Variants in PSIP1 observed in about 807,000 individuals in gnomAD.
PSIP1 encodes PC4 and SRSF1 interacting protein 1.
A neutral mutation model predicts 74.7 loss-of-function variants in PSIP1; 19 were observed. That is an observed-to-expected ratio of 0.25 (90% CI 0.18 to 0.37). The LOEUF is 0.37. Ranked by LOEUF, PSIP1 falls within the 10% of genes least tolerant of loss-of-function variation. The pLI is 1.00. For synonymous variants in PSIP1, 222 were observed against 195.3 expected, an observed-to-expected ratio of 1.14 and a Z score of -1.14; for missense variants, 601 against 614.3, an observed-to-expected ratio of 0.98 and a Z score of 0.23.
chr9:15,478,360 G>C (rs978221378), intron 8 of PSIP1, 117 bp downstream of exon 8: 28 of 869,696 alleles, frequency 3.2e-5, no homozygotes, highest in Non-Finnish European at 1.8e-6. Flanking sequence ...TTTTAAGAAA[G>C]ATCAAAATAA....
chr9:15,479,576 C>A lies in PSIP1; in HGVS notation c.553+15G>T. 6.4e-7 allele frequency: 1 copy of A among 1,555,088 alleles called. No individual in the cohort carries two copies. Among genetic ancestry groups the A allele is most frequent in the Non-Finnish European group, 8.8e-7 (1 of 1,142,540 alleles). ...ATCACAAGCCAAACAGATATTTAAA[C>A]ATCAGTAATCCTACCTGCAGGTCGT... On this transcript the variant is annotated intron_variant, in intron 7 of 15. Coordinates refer to ENST00000380733, the MANE Select transcript of PSIP1 (RefSeq NM_033222.5).
intron 6 of PSIP1, among the ~76,000 whole-genome samples, chr9:15,484,620 G>A (rs1288110085): frequency 3.3e-5 from 5 of 152,012 alleles, no homozygotes; most frequent in South Asian, 2.1e-4. Context: ...CCAGCTAATC[G>A]GGGGGCTGAG....
chr9:15,484,148 CAA>C (rs1332607321), intron 6 of PSIP1, among the ~76,000 whole-genome samples: 1 of 135,782 alleles, frequency 7.4e-6, no homozygotes, highest in African/African-American at 2.8e-5. Flanking sequence ...AAAAAAAAAA[CAA>C]ATTTATATTT....
rs2035498557 is a variant in PSIP1 at position 15,464,786 on chromosome 9, T to TA, written c.*733dup. On this transcript the variant is annotated 3_prime_UTR_variant, in exon 16 of 16. Coordinates refer to ENST00000380733, the MANE Select transcript of PSIP1 (RefSeq NM_033222.5). ...AACCCTAAAGCCAGATTCATTCCTA[T>TA]ATATACCCAGTCAGTTGTCTGCAAA... The TA allele has an allele frequency of 4.8e-6, 1 of 206,372 alleles. No individual in the cohort carries two copies. The highest frequency in any genetic ancestry group is 1.9e-4 in the South Asian group (1 of 5,298). The allele number at this position is 206,372 out of a possible 1,614,324, so 12.8% of individuals were successfully genotyped here.
At chr9:15,465,672 C>G in intron 15 of PSIP1, 92 bp from the exon 16 acceptor site, 1 of 1,050,264 alleles carries the variant, frequency 9.5e-7, no homozygotes, top group Admixed American at 2.6e-5. Flanking sequence ...TTTTTAAACC[C>G]ATGAAAAGAC....
chr9:15,464,484 G>A lies in PSIP1; in HGVS notation c.*1036C>T, dbSNP rs986058821. 48 of 200,780 alleles carry A rather than the reference G, an allele frequency of 2.4e-4. No individual in the cohort carries two copies. Among genetic ancestry groups the A allele is most frequent in the Non-Finnish European group, 4.1e-5 (4 of 97,780 alleles). The allele number at this position is 200,780 out of a possible 1,614,324, so 12.4% of individuals were successfully genotyped here. A position where few individuals can be genotyped will look rare whatever the true frequency, so the allele number is the denominator to read the frequency against. On this transcript the variant is annotated 3_prime_UTR_variant, in exon 16 of 16. Coordinates refer to ENST00000380733, the MANE Select transcript of PSIP1 (RefSeq NM_033222.5). ...TTTACCCTGGATTTAGTCCATACAC[G>A]TCAATGTACAGACTTATCAAAGTAC...
At chr9:15,480,862 G>C (rs1485590592) in intron 6 of PSIP1, among the ~76,000 whole-genome samples, 1 of 152,220 alleles carries the variant, frequency 6.6e-6, no homozygotes, top group Non-Finnish European at 1.5e-5. Flanking sequence ...AGAGGTTGCA[G>C]TGAACTGAAA....
rs184057262 is a variant in PSIP1 at position 15,501,643 on chromosome 9, T to C, written c.149+4918A>G. ...TTATAAATATCATTTGTAGGTAGTT[T>C]TTGGTTTTGATTCACTGCTAATGTT... is the stretch of plus-strand genomic sequence containing the variant. On this transcript the variant is annotated intron_variant, in intron 3 of 15. Transcript: ENST00000380733. Among the ~76,000 whole-genome samples, 355 of 151,960 alleles carry C rather than the reference T, an allele frequency of 2.3e-3. 4 individuals are homozygous for C. The South Asian group carries it at 0.026, about 11-fold the overall frequency.
At position 15,465,599 on chromosome 9, in the gene PSIP1, G is replaced by A. The variant is rs1242060758; in HGVS notation, c.1533-19C>T. The A allele has an allele frequency of 4.6e-6, 7 of 1,535,796 alleles. No individual in the cohort carries two copies. Among genetic ancestry groups the A allele is most frequent in the Non-Finnish European group, 6.2e-6 (7 of 1,122,762 alleles). On this transcript the variant is annotated intron_variant, in intron 15 of 15. Coordinates refer to ENST00000380733, the MANE Select transcript of PSIP1 (RefSeq NM_033222.5). ...GGATGGCCTGAAGAAAAGGGGGAAA[G>A]GTACAACTGGAATTAGGATTTTCTC...
chr9:15,501,799 T>TGTTTAATTC (rs1390643436), intron 3 of PSIP1, among the ~76,000 whole-genome samples: 1 of 148,176 alleles, frequency 6.7e-6, no homozygotes, highest in Non-Finnish European at 1.5e-5. Flanking sequence ...CCCCTGCAGA[T>TGTTTAATTC]ACCAAAATTC....
chr9:15,485,650 A>T (rs891003076), intron 6 of PSIP1, among the ~76,000 whole-genome samples: 5 of 152,228 alleles, frequency 3.3e-5, no homozygotes, highest in African/African-American at 7.2e-5. Context: ...TATAACACTT[A>T]CTAGTGTTTA....
intron 3 of PSIP1, among the ~76,000 whole-genome samples, chr9:15,490,888 A>C (rs1005020669): frequency 2.0e-5 from 3 of 152,132 alleles, no homozygotes; most frequent in Admixed American, 1.3e-4. Context: ...TATTTTACTG[A>C]ATGAGGGAAT....
At chr9:15,471,898 G>C (rs1239206441) in intron 10 of PSIP1, 7 of 982,726 alleles carry the variant, frequency 7.1e-6, no homozygotes, top group Non-Finnish European at 7.2e-6. Context: ...CAGAATGTAA[G>C]ACGCTTCACG....
intron 6 of PSIP1, among the ~76,000 whole-genome samples, chr9:15,481,407 G>T (rs147496040): frequency 6.6e-6 from 1 of 152,218 alleles, no homozygotes; most frequent in Non-Finnish European, 1.5e-5. Context: ...AGAATTATAG[G>T]TAGGGTTGGG....
In PSIP1 at chr9:15,474,780, G is replaced by A. The variant is rs979129723; in HGVS notation, c.630-543C>T. Among the ~76,000 whole-genome samples the A allele has an allele frequency of 4.6e-5, 7 of 152,228 alleles. No individual in the cohort carries two copies. In the East Asian group the frequency reaches 9.6e-4, roughly 21 times the overall value. ...GGTACTACAGAAATAGGCTCTAGGAGAATCAAATAATGCAAATACTAACCA... is the reference window on the plus strand; with the variant it reads ...GGTACTACAGAAATAGGCTCTAGGAAAATCAAATAATGCAAATACTAACCA... On this transcript the variant is annotated intron_variant, in intron 8 of 15. Transcript: ENST00000380733.
At chr9:15,504,534 G>A (rs764208764) in intron 3 of PSIP1, among the ~76,000 whole-genome samples, 1 of 151,980 alleles carries the variant, frequency 6.6e-6, no homozygotes, top group Non-Finnish European at 1.5e-5. Context: ...TCAGGAGATC[G>A]AGACCATCCT....
intron 3 of PSIP1, 27 bp downstream of exon 3, chr9:15,506,534 T>G: frequency 6.6e-7 from 1 of 1,516,816 alleles, no homozygotes; most frequent in Non-Finnish European, 9.1e-7. Context: ...TTAGCTCTGA[T>G]TTGCCTTTAA....
At chr9:15,489,964 A>T (rs771639641) in intron 4 of PSIP1, 22 bp downstream of exon 4, 1 of 1,504,214 alleles carries the variant, frequency 6.6e-7, no homozygotes. Context: ...AGTAATATCA[A>T]ATTTTATGTA....
chr9:15,473,675 A>G (rs2035940334), intron 9 of PSIP1, among the ~76,000 whole-genome samples: 1 of 152,060 alleles, frequency 6.6e-6, no homozygotes, highest in Non-Finnish European at 1.5e-5. Flanking sequence ...CCAAGGTGGG[A>G]GGTTCACCTG....
Sources: gnomAD v4.1 joint callset for allele counts (sites outside exome capture counted in the v4.1 genomes callset) on GRCh38, gnomAD v4.1.1 for gene constraint, MANE v1.5 for transcripts, NCBI Gene and HGNC (gene_info 2026-07-23, HGNC 2026-07-21) for gene names.